Variants in ATP8B4 observed in about 807,000 individuals in gnomAD.
ATP8B4 encodes probable phospholipid-transporting ATPase IM.
A neutral mutation model predicts 145.6 loss-of-function variants in ATP8B4; 133 were observed. That is an observed-to-expected ratio of 0.91 (90% CI 0.79 to 1.05). The LOEUF is 1.05. Ranked by LOEUF, ATP8B4 falls within the 50% of genes least tolerant of loss-of-function variation. ATP8B4 has a pLI of 0.00. For missense variants in ATP8B4, 1,458 were observed against 1,425.2 expected (o/e 1.02, Z -0.37); for synonymous variants, 507 against 492.9 (o/e 1.03, Z -0.38).
intron 13 of ATP8B4, among the ~76,000 whole-genome samples, chr15:49,967,807 C>G (rs1047097629): frequency 8.5e-4 from 130 of 152,204 alleles, no homozygotes; most frequent in African/African-American, 2.9e-3. Flanking sequence ...AGAGCAACTC[C>G]AAGACACATA....
At position 49,918,865 on chromosome 15, in the gene ATP8B4, A is replaced by G. The variant is rs746804833; in HGVS notation, c.2009T>C (p.Ile670Thr). Reference sequence around the variant, plus strand: ...TTGTTTGTCTCCTGTTAGGACCCAGATCTTAATATTGGCTAGTGATAAACT... The same window carrying G: ...TTGTTTGTCTCCTGTTAGGACCCAGGTCTTAATATTGGCTAGTGATAAACT... ...VTSLSLANIK[I>T]WVLTGDKQET... Residue 670 changes from isoleucine to threonine, a missense_variant, in exon 19 of 28, where the codon ATC (isoleucine) becomes ACC (threonine). Transcript: ENST00000284509. 6.2e-7 allele frequency: 1 copy of G among 1,612,840 alleles called. No individual in the cohort carries two copies. Among genetic ancestry groups the G allele is most frequent in the Non-Finnish European group, 8.5e-7 (1 of 1,178,996 alleles).
chr15:50,119,236 A>T (rs2057235311), upstream of ATP8B4: 1 of 152,274 alleles, frequency 6.6e-6, no homozygotes, highest in Admixed American at 6.6e-5. Flanking sequence ...GCTACTCTGA[A>T]AGCTTGAGGG....
Position 49,962,018 on chromosome 15 carries a change from C to T in ATP8B4, c.1246G>A (p.Glu416Lys), listed in dbSNP as rs761255490. The T allele has an allele frequency of 1.3e-6, 2 of 1,590,636 alleles. No homozygotes were observed. The highest frequency in any genetic ancestry group is 1.2e-5 in the South Asian group (1 of 86,634). The change falls in exon 14 of 28, where the codon GAA becomes AAA. Residue 416 changes from glutamate to lysine, a missense_variant and splice_region_variant. Transcript: ENST00000284509. ...TTCTGATCCAGGTCATCATGTACTT[C>T]ACCTGACAAAACAAAAATTGAGAAT... Reference protein sequence around the residue: ...RCSINGRIYGEVHDDLDQKTE... With the variant: ...RCSINGRIYGKVHDDLDQKTE...
chr15:50,011,918 T>A (rs1272402804), intron 6 of ATP8B4, among the ~76,000 whole-genome samples: 1 of 152,200 alleles, frequency 6.6e-6, no homozygotes, highest in Non-Finnish European at 1.5e-5. Flanking sequence ...CTAATTTACT[T>A]GTTTTATAGG....
At chr15:49,905,610 C>A (rs1298438261) in intron 20 of ATP8B4, among the ~76,000 whole-genome samples, 1 of 152,132 alleles carries the variant, frequency 6.6e-6, no homozygotes, top group Non-Finnish European at 1.5e-5. Flanking sequence ...GGGTTACCTA[C>A]AAGTCTGAGT....
chr15:50,097,023 A>G lies in ATP8B4; in HGVS notation c.28+9916T>C, dbSNP rs558070767. ...AAGAAAATAGATGACTTTTTAAAAC[A>G]TGATCCAATTTAAAATAAATTATTA... is the stretch of plus-strand genomic sequence containing the variant. On this transcript the variant is annotated intron_variant, in intron 2 of 27. Transcript: ENST00000284509. 5.6e-4 allele frequency among the ~76,000 whole-genome samples: 86 copies of G among 152,344 alleles called. No homozygotes were observed. In the South Asian group the frequency reaches 0.011, roughly 19 times the overall value.
intron 12 of ATP8B4, among the ~76,000 whole-genome samples, chr15:49,977,231 T>C (rs1220754441): frequency 6.6e-6 from 1 of 152,152 alleles, no homozygotes; most frequent in East Asian, 1.9e-4. Flanking sequence ...GTCTTCATCA[T>C]TCCGGACAGA....
chr15:49,999,940 A>C (rs1285720574), intron 8 of ATP8B4, among the ~76,000 whole-genome samples: 1 of 152,126 alleles, frequency 6.6e-6, no homozygotes, highest in Non-Finnish European at 1.5e-5. Context: ...TTATAAACAG[A>C]ATTATACTGT....
At chr15:50,122,046 C>A (rs1270733179), upstream of ATP8B4, among the ~76,000 whole-genome samples, 2 of 152,188 alleles carry the variant, frequency 1.3e-5, no homozygotes, top group African/African-American at 4.8e-5. Flanking sequence ...TGAAACCACA[C>A]AACTATAAGT....
At chr15:50,047,798 G>A (rs189605107) in intron 3 of ATP8B4, among the ~76,000 whole-genome samples, 27 of 152,230 alleles carry the variant, frequency 1.8e-4, no homozygotes, top group Admixed American at 5.9e-4. Context: ...GTTGGAGCCC[G>A]CAAGGCAGGA....
At chr15:49,873,823 A>G (rs2034000741) in intron 25 of ATP8B4, among the ~76,000 whole-genome samples, 1 of 152,024 alleles carries the variant, frequency 6.6e-6, no homozygotes. Context: ...GGCATCTAAA[A>G]TCTCTCACTT....
At chr15:49,917,769 A>C (rs1158353753) in intron 19 of ATP8B4, among the ~76,000 whole-genome samples, 1 of 152,180 alleles carries the variant, frequency 6.6e-6, no homozygotes, top group Non-Finnish European at 1.5e-5. Flanking sequence ...AATTCTATGG[A>C]ATCATTAGTT....
chr15:50,145,336 T>C (rs1381873138), intron 1 of ATP8B4, among the ~76,000 whole-genome samples: 7 of 152,236 alleles, frequency 4.6e-5, no homozygotes, highest in African/African-American at 1.7e-4. Context: ...AAATCACAGA[T>C]CAGTCATACA....
At chr15:50,112,997 A>C (rs374930563) in intron 1 of ATP8B4, among the ~76,000 whole-genome samples, 1 of 152,302 alleles carries the variant, frequency 6.6e-6, no homozygotes, top group African/African-American at 2.4e-5. Context: ...GCTGGGTCTT[A>C]GGATGTCAAG....
At chr15:50,149,823 G>A (rs1295179986) in intron 1 of ATP8B4, among the ~76,000 whole-genome samples, 5 of 152,104 alleles carry the variant, frequency 3.3e-5, no homozygotes, top group African/African-American at 1.2e-4. Flanking sequence ...ATAGTTGGCC[G>A]GGCACAGTGG....
chr15:49,967,131 A>G (rs548245829), intron 13 of ATP8B4, among the ~76,000 whole-genome samples: 3 of 152,336 alleles, frequency 2.0e-5, no homozygotes, highest in African/African-American at 7.2e-5. Context: ...CACAACAAAG[A>G]CCAAAGGTAG....
chr15:50,092,225 C>T (rs1406180290), intron 2 of ATP8B4, among the ~76,000 whole-genome samples: 1 of 152,074 alleles, frequency 6.6e-6, no homozygotes, highest in Non-Finnish European at 1.5e-5. Flanking sequence ...AAAAGTATCT[C>T]GGTCCCTGAT....
chr15:50,135,650 T>C (rs2044111905), intron 1 of ATP8B4, among the ~76,000 whole-genome samples: 1 of 152,222 alleles, frequency 6.6e-6, no homozygotes, highest in Non-Finnish European at 1.5e-5. Context: ...AGCAAATGCT[T>C]TCCGCTAAAC....
intron 25 of ATP8B4, among the ~76,000 whole-genome samples, chr15:49,868,431 A>G (rs1200731593): frequency 6.6e-6 from 1 of 152,218 alleles, no homozygotes; most frequent in Admixed American, 6.5e-5. Context: ...TTACTCAAGG[A>G]TATTTCTGCA....
Sources: allele counts gnomAD v4.1 joint callset (sites outside exome capture counted in the v4.1 genomes callset), GRCh38; gene constraint gnomAD v4.1.1; transcripts MANE v1.5; gene names NCBI Gene and HGNC (gene_info 2026-07-23, HGNC 2026-07-21).